The following CDIN1 variants were observed in gnomAD, a reference collection of about 807,000 sequenced individuals.
CDIN1 encodes CDAN1 interacting nuclease 1, also known as CDAN1-interacting nuclease 1.
Under a neutral mutation model 45.3 loss-of-function variants are expected in CDIN1, and 33 were observed. That is an observed-to-expected ratio of 0.73 (90% CI 0.55 to 0.97). The LOEUF is 0.97. Among genes scored for constraint, CDIN1 ranks in the 50% least tolerant of loss-of-function variants. The pLI, the probability that CDIN1 is intolerant of heterozygous loss-of-function variation, is 0.00. For synonymous variants in CDIN1, 118 were observed against 124.4 expected, an observed-to-expected ratio of 0.95 and a Z score of 0.34; for missense variants, 303 against 339.4, an observed-to-expected ratio of 0.89 and a Z score of 0.84.
intron 5 of CDIN1, among the ~76,000 whole-genome samples, chr15:36,686,813 A>G (rs1218522881): frequency 1.6e-5 from 2 of 126,038 alleles, no homozygotes; most frequent in East Asian, 2.8e-4. Context: ...GGAGGGAGGG[A>G]GAGAGAGAGA....
intron 10 of CDIN1, among the ~76,000 whole-genome samples, chr15:36,787,224 G>A (rs2141072632): frequency 6.6e-6 from 1 of 152,114 alleles, no homozygotes; most frequent in Middle Eastern, 3.4e-3. Flanking sequence ...CTCTATTTTT[G>A]TCTCTGCCCT....
intron 10 of CDIN1, chr15:36,798,556 T>C (rs111461329): frequency 7.9e-5 from 12 of 152,212 alleles, no homozygotes; most frequent in African/African-American, 2.9e-4. Flanking sequence ...GGCAAACATG[T>C]ATCAGCCCTA....
chr15:36,744,339 T>A (rs2044344570), intron 10 of CDIN1, among the ~76,000 whole-genome samples: 1 of 152,212 alleles, frequency 6.6e-6, no homozygotes, highest in African/African-American at 2.4e-5. Context: ...AGAGGATTAT[T>A]GGTTCTGAAT....
intron 1 of CDIN1, among the ~76,000 whole-genome samples, chr15:36,631,641 G>C (rs937358639): frequency 2.0e-5 from 3 of 151,916 alleles, no homozygotes; most frequent in African/African-American, 7.3e-5. Context: ...ACATTTTATT[G>C]ATCCATTCAT....
intron 10 of CDIN1, chr15:36,746,828 G>C (rs936621868): frequency 1.7e-5 from 4 of 236,680 alleles, no homozygotes; most frequent in African/African-American, 1.1e-4. Flanking sequence ...TGCAGCATTC[G>C]CGTCCCCCTC....
At chr15:36,725,116 T>C (rs1312296801) in intron 10 of CDIN1, among the ~76,000 whole-genome samples, 1 of 152,134 alleles carries the variant, frequency 6.6e-6, no homozygotes, top group East Asian at 1.9e-4. Flanking sequence ...AACGGTACAA[T>C]GCTGAAAGGG....
rs1354751319 is a variant in CDIN1 at position 36,809,396 on chromosome 15, T to G, written c.*943T>G. On this transcript the variant is annotated 3_prime_UTR_variant, in exon 11 of 11. Coordinates refer to ENST00000566621, the MANE Select transcript of CDIN1 (RefSeq NM_001321759.2). ...ATAAAACACTCGAGTAAGTTCAGCA[T>G]TAGAAATGTTTAGCTTTGTATGAAC... 6.5e-6 allele frequency: 1 copy of G among 152,728 alleles called. No individual in the cohort carries two copies. Among genetic ancestry groups the G allele is most frequent in the African/African-American group, 2.4e-5 (1 of 41,450 alleles). The allele number at this position is 152,728 out of a possible 1,614,324, so 9.5% of individuals were successfully genotyped here. A position where few individuals can be genotyped will look rare whatever the true frequency, so the allele number is the denominator to read the frequency against.
intron 10 of CDIN1, among the ~76,000 whole-genome samples, chr15:36,803,719 A>G (rs770467827): frequency 2.2e-4 from 34 of 152,264 alleles, no homozygotes; most frequent in Middle Eastern, 3.4e-3. Context: ...CTTCCTCCAT[A>G]AGAGCACTCT....
chr15:36,624,510 T>C (rs2140323652), intron 1 of CDIN1, among the ~76,000 whole-genome samples: 1 of 152,172 alleles, frequency 6.6e-6, no homozygotes. Flanking sequence ...TTAGAGAAGA[T>C]TGAAAATCTA....
intron 1 of CDIN1, among the ~76,000 whole-genome samples, chr15:36,599,669 C>T (rs1272955779): frequency 6.6e-6 from 1 of 152,084 alleles, no homozygotes; most frequent in African/African-American, 2.4e-5. Context: ...AAAAATTGCA[C>T]TATTTGTATT....
chr15:36,619,300 C>T (rs1350679709), intron 1 of CDIN1: 11 of 874,460 alleles, frequency 1.3e-5, no homozygotes, highest in Admixed American at 3.0e-5. Flanking sequence ...AAACTTCTCT[C>T]TCTTCCCGTT....
At chr15:36,763,973 A>T (rs2053843898) in intron 10 of CDIN1, among the ~76,000 whole-genome samples, 1 of 152,302 alleles carries the variant, frequency 6.6e-6, no homozygotes, top group African/African-American at 2.4e-5. Context: ...CTCTATGCGT[A>T]CCAAAACAAA....
At chr15:36,770,293 G>A (rs78701929) in intron 10 of CDIN1, among the ~76,000 whole-genome samples, 3,469 of 151,578 alleles carry the variant, frequency 0.023, 125 homozygotes, top group African/African-American at 0.081. Context: ...GGGAGGGAGC[G>A]AAAGAGGGAG....
chr15:36,687,500 A>G (rs1289056317), intron 5 of CDIN1, among the ~76,000 whole-genome samples: 4 of 152,230 alleles, frequency 2.6e-5, no homozygotes, highest in South Asian at 2.1e-4. Context: ...ACTAGGTCAC[A>G]TTAAATTTAA....
At chr15:36,736,698 A>G (rs2044032934) in intron 10 of CDIN1, among the ~76,000 whole-genome samples, 1 of 152,174 alleles carries the variant, frequency 6.6e-6, no homozygotes, top group Non-Finnish European at 1.5e-5. Context: ...AATCTTGGTA[A>G]ATAATGGCTG....
At chr15:36,593,953 A>G (rs941278322) in intron 1 of CDIN1, among the ~76,000 whole-genome samples, 2 of 152,246 alleles carry the variant, frequency 1.3e-5, no homozygotes, top group Admixed American at 6.5e-5. Flanking sequence ...AAGAAGTTGC[A>G]TAAACTCTTA....
intron 10 of CDIN1, among the ~76,000 whole-genome samples, chr15:36,779,761 T>C (rs973441544): frequency 6.6e-6 from 1 of 152,148 alleles, no homozygotes; most frequent in Non-Finnish European, 1.5e-5. Context: ...GACTACAAAA[T>C]TGCAGTTTCT....
At chr15:36,642,958 A>T (rs1260007690) in intron 1 of CDIN1, among the ~76,000 whole-genome samples, 1 of 152,094 alleles carries the variant, frequency 6.6e-6, no homozygotes, top group Non-Finnish European at 1.5e-5. Context: ...CCAGAAGATT[A>T]TTGTCAGCAA....
At chr15:36,764,729 C>T (rs1302631044) in intron 10 of CDIN1, among the ~76,000 whole-genome samples, 1 of 152,158 alleles carries the variant, frequency 6.6e-6, no homozygotes, top group Non-Finnish European at 1.5e-5. Context: ...ATGTAGTCAC[C>T]TAGAATAAAA....
Sources: gnomAD v4.1 joint callset for allele counts (sites outside exome capture counted in the v4.1 genomes callset) on GRCh38, gnomAD v4.1.1 for gene constraint, MANE v1.5 for transcripts, NCBI Gene and HGNC (gene_info 2026-07-23, HGNC 2026-07-21) for gene names.